Variants in SFXN2 observed in about 807,000 individuals in gnomAD.
SFXN2 encodes the protein sideroflexin-2.
SFXN2 carries 37 observed loss-of-function variants against 41.9 expected under a neutral mutation model. The ratio of observed to expected loss-of-function variants is 0.88; its 90% CI spans 0.68 to 1.16. SFXN2 has a LOEUF of 1.16. SFXN2 is among the 50% of genes most tolerant of loss of function. The pLI, the probability that SFXN2 is intolerant of heterozygous loss-of-function variation, is 0.00. For synonymous variants in SFXN2, 150 were observed against 156.7 expected, an observed-to-expected ratio of 0.96 and a Z score of 0.32; for missense variants, 386 against 425.2, an observed-to-expected ratio of 0.91 and a Z score of 0.81.
At chr10:102,721,608 T>C (rs1490413720) in intron 1 of SFXN2, among the ~76,000 whole-genome samples, 5 of 147,554 alleles carry the variant, frequency 3.4e-5, no homozygotes, top group Non-Finnish European at 3.0e-5. Flanking sequence ...TAAAAAATTA[T>C]ATATTTATAT....
intron 1 of SFXN2, chr10:102,717,912 G>C: frequency 7.7e-6 from 4 of 519,440 alleles, no homozygotes; most frequent in Non-Finnish European, 9.9e-6. Flanking sequence ...TCAATGACAA[G>C]AAGGTGACAA....
At chr10:102,726,306 T>TTA (rs1181444351) in intron 1 of SFXN2, among the ~76,000 whole-genome samples, 1 of 152,132 alleles carries the variant, frequency 6.6e-6, no homozygotes, top group Non-Finnish European at 1.5e-5. Flanking sequence ...CCTGGGGGTA[T>TTA]TATACTATTT....
At position 102,738,088 on chromosome 10, in the gene SFXN2, G is replaced by T. The variant is rs962377732; in HGVS notation, c.*326G>T. ...AAAGTTAGGAAACCTTTAGGATTCTGGTTCCAGCCAGGGTTGAGGAAAAGA... is the reference window on the plus strand; with the variant it reads ...AAAGTTAGGAAACCTTTAGGATTCTTGTTCCAGCCAGGGTTGAGGAAAAGA... On this transcript the variant is annotated 3_prime_UTR_variant, in exon 12 of 12. Coordinates refer to ENST00000369893, the MANE Select transcript of SFXN2 (RefSeq NM_178858.6). The T allele has an allele frequency of 1.7e-5, 3 of 172,916 alleles. No individual in the cohort carries two copies. The highest frequency in any genetic ancestry group is 6.2e-5 in the Admixed American group (1 of 16,082). The allele number at this position is 172,916 out of a possible 1,614,324, so 10.7% of individuals were successfully genotyped here.
chr10:102,728,563 C>G, intron 4 of SFXN2, 34 bp downstream of exon 4: 1 of 1,585,202 alleles, frequency 6.3e-7, no homozygotes, highest in Non-Finnish European at 8.7e-7. Flanking sequence ...GTCCTCGTGT[C>G]TCCCCACGAA....
chr10:102,719,080 C>T (rs1276805977), intron 1 of SFXN2, among the ~76,000 whole-genome samples: 2 of 151,608 alleles, frequency 1.3e-5, no homozygotes, highest in African/African-American at 2.4e-5. Context: ...CCTGCCACCA[C>T]GCCCGGCTAA....
At chr10:102,737,580 G>T in intron 11 of SFXN2, 83 bp from the exon 12 acceptor site, 1 of 855,400 alleles carries the variant, frequency 1.2e-6, no homozygotes. Flanking sequence ...AATCAGGAGG[G>T]CTTCTTGGAG....
At chr10:102,715,790 A>T (rs2248532) in intron 1 of SFXN2, among the ~76,000 whole-genome samples, 151,605 of 151,900 alleles carry the variant, frequency 1, 75,655 homozygotes, top group Non-Finnish European at 1. Context: ...ACAAAAAAAA[A>T]TTTTTTTTAA....
rs541942799 is a variant in SFXN2 at position 102,737,375 on chromosome 10, C to T, written c.870-288C>T. 6.6e-5 allele frequency among the ~76,000 whole-genome samples: 10 copies of T among 152,194 alleles called. No individual in the cohort carries two copies. The South Asian group carries it at 1.9e-3, about 28-fold the overall frequency. ...CAGACAATTCCAGTCTCCCCTTCCT[C>T]AGTACTCTAGTTCAATACTACTTCC... On this transcript the variant is annotated intron_variant, in intron 11 of 11. Coordinates refer to ENST00000369893, the MANE Select transcript of SFXN2 (RefSeq NM_178858.6).
intron 1 of SFXN2, among the ~76,000 whole-genome samples, chr10:102,724,318 G>A (rs2064556293): frequency 6.6e-6 from 1 of 152,108 alleles, no homozygotes. Flanking sequence ...TTCTTTCCCT[G>A]GCCATGTCCA....
chr10:102,729,251 C>T (rs368124162), intron 4 of SFXN2, 68 bp from the exon 5 acceptor site: 19 of 1,506,248 alleles, frequency 1.3e-5, no homozygotes, highest in East Asian at 9.1e-5. Flanking sequence ...CGACTTTCTC[C>T]CTGAAGCCCG....
intron 10 of SFXN2, among the ~76,000 whole-genome samples, chr10:102,735,519 C>T (rs548091223): frequency 1.3e-5 from 2 of 152,272 alleles, no homozygotes; most frequent in East Asian, 3.9e-4. Context: ...CAAGTTTCTC[C>T]TCTCCCTCCT....
In SFXN2 at chr10:102,714,691, C is replaced by T. The variant is rs867693287; in HGVS notation, c.-26+10C>T. ...TTTGTCCCGGGACCAGGTAAGGGGC[C>T]TTGGGACAATGGCGCTCGCCCTGTC... is the stretch of plus-strand genomic sequence containing the variant. On this transcript the variant is annotated intron_variant, in intron 1 of 11. Transcript: ENST00000369893. 169 of 207,228 alleles carry T rather than the reference C, an allele frequency of 8.2e-4. 1 individual carries two copies. Among genetic ancestry groups the T allele is most frequent in the Admixed American group, 1.6e-3 (27 of 16,892 alleles). 12.8% of individuals were successfully genotyped at this position (207,228 alleles called of 1,614,324 possible).
At chr10:102,731,701 A>G (rs747297669) in intron 6 of SFXN2, 22 bp from the exon 7 acceptor site, 1 of 1,610,522 alleles carries the variant, frequency 6.2e-7, no homozygotes. Context: ...TCCCAAGTCC[A>G]TTAACTCCTG....
intron 5 of SFXN2, 115 bp downstream of exon 5, chr10:102,729,509 G>A: frequency 7.8e-7 from 1 of 1,283,068 alleles, no homozygotes; most frequent in Non-Finnish European, 1.1e-6. Context: ...AATGGCCAGA[G>A]CCCGGCTGGC....
At chr10:102,717,548 T>C (rs1166060055) in intron 1 of SFXN2, among the ~76,000 whole-genome samples, 1 of 152,198 alleles carries the variant, frequency 6.6e-6, no homozygotes, top group Non-Finnish European at 1.5e-5. Flanking sequence ...CTGGACATGA[T>C]GATGACCTTT....
intron 9 of SFXN2, 39 bp downstream of exon 9, chr10:102,732,947 T>C: frequency 1.9e-6 from 3 of 1,610,668 alleles, no homozygotes; most frequent in Non-Finnish European, 2.5e-6. Context: ...CTGCCCAGAG[T>C]GCGTCCAGCC....
chr10:102,737,339 G>A (rs2064794776), intron 11 of SFXN2, among the ~76,000 whole-genome samples: 1 of 152,056 alleles, frequency 6.6e-6, no homozygotes, highest in Non-Finnish European at 1.5e-5. Flanking sequence ...AGTGTAGCTT[G>A]AATATATACC....
At chr10:102,731,930 T>C (rs2064710643) in intron 7 of SFXN2, 147 bp downstream of exon 7, 2 of 811,872 alleles carry the variant, frequency 2.5e-6, no homozygotes, top group Non-Finnish European at 3.9e-6. Flanking sequence ...TCCCCATGTT[T>C]CTCTGTTCAG....
At position 102,720,007 on chromosome 10, in the gene SFXN2, C is replaced by T. The variant is rs187419877; in HGVS notation, c.-26+5326C>T. 9.1e-4 allele frequency among the ~76,000 whole-genome samples: 138 copies of T among 151,980 alleles called. 1 individual carries two copies. The highest frequency in any genetic ancestry group is 2.4e-3 in the Admixed American group (36 of 15,238). On this transcript the variant is annotated intron_variant, in intron 1 of 11. Coordinates refer to ENST00000369893, the MANE Select transcript of SFXN2 (RefSeq NM_178858.6). The stretch of plus-strand genomic sequence containing the variant: ...AGGCCTATTGCATTTAAGAAAATCC[C>T]GGCCGGGCTTGGTGGCTCACGCCTG...
Sources: allele counts gnomAD v4.1 joint callset (sites outside exome capture counted in the v4.1 genomes callset), GRCh38; gene constraint gnomAD v4.1.1; transcripts MANE v1.5; gene names NCBI Gene and HGNC (gene_info 2026-07-23, HGNC 2026-07-21).